Variants in YTHDF2 observed in about 807,000 individuals in gnomAD.
YTHDF2 encodes YTH domain-containing family protein 2.
YTHDF2 carries 2 observed loss-of-function variants against 50.4 expected under a neutral mutation model. The ratio of observed to expected loss-of-function variants is 0.04; its 90% confidence interval spans 0.02 to 0.12. The LOEUF is 0.12. Ranked by LOEUF, YTHDF2 falls within the 10% of genes least tolerant of loss-of-function variation. The probability of loss-of-function intolerance (pLI) is 1.00; values close to 1 mark genes in which losing one functional copy is unlikely to be tolerated. For missense variants in YTHDF2, 483 were observed against 722.6 expected, an observed-to-expected ratio of 0.67 and a Z score of 3.80; for synonymous variants, 217 against 255.6, an observed-to-expected ratio of 0.85 and a Z score of 1.44.
intron 4 of YTHDF2, among the ~76,000 whole-genome samples, chr1:28,764,248 G>A (rs1557551495): frequency 6.8e-6 from 1 of 146,612 alleles, no homozygotes; most frequent in East Asian, 2.1e-4. Context: ...ACTGTGCCCG[G>A]CCCAATTTTT....
rs1469980726 is a variant in YTHDF2, at chr1:28,743,067, C to T, written c.797C>T (p.Pro266Leu). The change falls in exon 4 of 5, where the codon CCA (proline) becomes CTA (leucine). Residue 266 changes from proline to leucine, a missense_variant. Transcript: ENST00000373812. The surrounding 1 kb of genome is among the most constrained non-coding windows in gnomAD (Gnocchi z 6.9). The stretch of plus-strand genomic sequence containing the variant: ...GGCATTGCAGGGTCAAGTCTTCCGC[C>T]ACCCCCGATAAAGCATAACATGGAT... ...KNGIAGSSLPPPPIKHNMDIG... is the reference protein window; with the variant it reads ...KNGIAGSSLPLPPIKHNMDIG... The T allele has an allele frequency of 6.2e-7, 1 of 1,614,142 alleles. No homozygotes were observed. Among genetic ancestry groups the T allele is most frequent in the Non-Finnish European group, 8.5e-7 (1 of 1,180,044 alleles).
chr1:28,737,319 C>T (rs755192785), intron 1 of YTHDF2, 172 bp downstream of exon 1: 600 of 834,800 alleles, frequency 7.2e-4, no homozygotes, highest in Non-Finnish European at 1.0e-3. Context: ...TCAGCCTGTT[C>T]TTCCCGCTTC....
intron 4 of YTHDF2, among the ~76,000 whole-genome samples, chr1:28,749,909 T>TA (rs2087923641): frequency 6.6e-6 from 1 of 151,660 alleles, no homozygotes; most frequent in Non-Finnish European, 1.5e-5. Context: ...TCATTGGTAT[T>TA]AAATGGGACC....
chr1:28,764,327 A>G (rs1014428515), intron 4 of YTHDF2, among the ~76,000 whole-genome samples: 5 of 151,646 alleles, frequency 3.3e-5, no homozygotes, highest in Non-Finnish European at 5.9e-5. Flanking sequence ...GCTGGAGTAC[A>G]GTGGCGCGAT....
At chr1:28,746,977 G>A (rs1227093802) in intron 4 of YTHDF2, among the ~76,000 whole-genome samples, 1 of 151,880 alleles carries the variant, frequency 6.6e-6, no homozygotes. Context: ...AGCTACTTGG[G>A]AGGCTGAGGC....
chr1:28,745,724 GCCC>G (rs1222221011), intron 4 of YTHDF2, among the ~76,000 whole-genome samples: 4 of 43,600 alleles, frequency 9.2e-5, no homozygotes, highest in Non-Finnish European at 1.3e-4. Flanking sequence ...ATCTCCCCCC[GCCC>G]CCCCCCCCCA....
rs2087811949 is a variant in YTHDF2 at position 28,743,572 on chromosome 1, C to T, written c.1302C>T (p.Ser434=). The T allele has an allele frequency of 6.2e-7, 1 of 1,614,054 alleles. No homozygotes were observed. Among genetic ancestry groups the T allele is most frequent in the African/African-American group, 1.3e-5 (1 of 74,928 alleles). ...HRSIKYNIWC[S]TEHGNKRLDA... ...CCATTAAGTATAATATTTGGTGCAGCACAGAGCATGGTAACAAGAGACTGG... is the reference window on the plus strand; with the variant it reads ...CCATTAAGTATAATATTTGGTGCAGTACAGAGCATGGTAACAAGAGACTGG... Residue 434 remains serine (S), a synonymous_variant, in exon 4 of 5, where the codon AGC becomes AGT. Transcript: ENST00000373812. This position sits in a 1 kb window ranked among gnomAD's most constrained non-coding sequence, Gnocchi z 6.9.
chr1:28,742,491 C>T lies in YTHDF2; in HGVS notation c.221C>T (p.Ala74Val). The change falls in exon 4 of 5, where the codon GCT becomes GTT. Residue 74 changes from alanine to valine, a missense_variant. This residue lies in a region of YTHDF2 where 385 missense variants were observed against 475.8 expected (regional missense o/e 0.81). Transcript: ENST00000373812. Reference protein sequence around the residue: ...IGFSYSLGEAAWSTGGDTAMP... With the variant: ...IGFSYSLGEAVWSTGGDTAMP... The stretch of plus-strand genomic sequence containing the variant: ...TTCTCCTATTCTTTGGGTGAAGCTG[C>T]TTGGTCTACGGGGGGTGACACAGCC... The T allele has an allele frequency of 6.2e-7, 1 of 1,613,696 alleles. No individual in the cohort carries two copies. The highest frequency in any genetic ancestry group is 8.5e-7 in the Non-Finnish European group (1 of 1,179,896).
chr1:28,738,164 A>G, intron 2 of YTHDF2, 95 bp from the exon 3 acceptor site: 1 of 932,902 alleles, frequency 1.1e-6, no homozygotes, highest in Non-Finnish European at 1.7e-6. Context: ...TGCTTTGTTA[A>G]CTAGTAAGGT....
intron 3 of YTHDF2, among the ~76,000 whole-genome samples, chr1:28,738,780 C>G (rs912335234): frequency 2.6e-5 from 4 of 152,162 alleles, no homozygotes; most frequent in African/African-American, 9.7e-5. Context: ...TCTCTGCCCT[C>G]TATCAGGAAA....
intron 2 of YTHDF2, chr1:28,737,886 G>A (rs1208223427): frequency 1.1e-5 from 7 of 623,714 alleles, no homozygotes; most frequent in Admixed American, 3.0e-5. Context: ...ATTCATTAAG[G>A]GTGGGGGTGG....
intron 4 of YTHDF2, among the ~76,000 whole-genome samples, chr1:28,757,351 CAG>C (rs1336020926): frequency 1.3e-5 from 2 of 152,234 alleles, no homozygotes; most frequent in East Asian, 3.9e-4. Flanking sequence ...TAGGAAAAGA[CAG>C]AAAGATGAAG....
At chr1:28,762,001 T>C (rs919430068) in intron 4 of YTHDF2, among the ~76,000 whole-genome samples, 2 of 152,154 alleles carry the variant, frequency 1.3e-5, no homozygotes, top group Non-Finnish European at 2.9e-5. Context: ...ATTAGACTTA[T>C]TTAACTTATT....
In YTHDF2 at chr1:28,748,540, A is replaced by G. The variant is rs540931250; in HGVS notation, c.1716+4554A>G. Among the ~76,000 whole-genome samples, 9 of 152,378 alleles carry G rather than the reference A, an allele frequency of 5.9e-5. No homozygotes were observed. In the South Asian group the frequency reaches 1.9e-3, roughly 32 times the overall value. On this transcript the variant is annotated intron_variant, in intron 4 of 4. Transcript: ENST00000373812. ...GTATCTTGGCAGAACACACTGAAGC[A>G]GAGCCACAGCCATTTTTGCCTAGCA...
rs965609642 is a variant in YTHDF2, at chr1:28,750,745, CTA to C, written c.1716+6771_1716+6772del. 8.6e-5 allele frequency among the ~76,000 whole-genome samples: 13 copies of C among 151,236 alleles called. No homozygotes were observed. The East Asian group carries it at 2.5e-3, about 29-fold the overall frequency. ...TGTGGGTAGTTTTTAAATACATTTA[CTA>C]TATATATATATTAATGAAAAATTGT... On this transcript the variant is annotated intron_variant, in intron 4 of 4. Transcript: ENST00000373812.
chr1:28,745,673 C>T (rs572954797), intron 4 of YTHDF2, among the ~76,000 whole-genome samples: 49 of 148,334 alleles, frequency 3.3e-4, no homozygotes, highest in African/African-American at 1.1e-3. Context: ...TGCGGTGAGC[C>T]GAGATCGTGC....
At position 28,737,139 on chromosome 1, in the gene YTHDF2, T is replaced by C. The variant is rs1371529767; in HGVS notation, c.19T>C (p.Leu7=). ...GAGAGCCATGTCGGCCAGCAGCCTC[T>C]TGGAGCAGGTACAGGCCCGGCCCGC... MSASSL[L]EQRPKGQGNK... is the part of the protein sequence containing the mutation. Residue 7 remains leucine (L), a synonymous_variant, in exon 1 of 5, where the codon TTG becomes CTG. Coordinates refer to ENST00000373812, the MANE Select transcript of YTHDF2 (RefSeq NM_016258.3). 2.5e-6 allele frequency: 4 copies of C among 1,600,266 alleles called. No individual in the cohort carries two copies. The highest frequency in any genetic ancestry group is 1.1e-5 in the South Asian group (1 of 89,184).
chr1:28,763,831 G>T (rs1386801940), intron 4 of YTHDF2, among the ~76,000 whole-genome samples: 17 of 148,960 alleles, frequency 1.1e-4, no homozygotes, highest in Non-Finnish European at 2.1e-4. Flanking sequence ...ATATTTATGG[G>T]GTACAAAGTA....
intron 4 of YTHDF2, among the ~76,000 whole-genome samples, chr1:28,765,445 A>G (rs564714648): frequency 2.6e-5 from 4 of 152,210 alleles, no homozygotes; most frequent in African/African-American, 9.6e-5. Flanking sequence ...TTTGAGAGAC[A>G]GGGCCTCTGT....
Sources: allele counts gnomAD v4.1 joint callset (sites outside exome capture counted in the v4.1 genomes callset), GRCh38; gene constraint gnomAD v4.1.1; regional missense constraint gnomAD v4.1.1; non-coding constraint Gnocchi (gnomAD v3.1); transcripts MANE v1.5; gene names NCBI Gene and HGNC (gene_info 2026-07-23, HGNC 2026-07-21).